The following MSH6 variants were observed in gnomAD, a reference collection of about 807,000 sequenced individuals.
MSH6 encodes mutS homolog 6.
A neutral mutation model predicts 119.1 loss-of-function variants in MSH6; 85 were observed. The ratio of observed to expected loss-of-function variants is 0.71; its 90% CI spans 0.60 to 0.85. MSH6 has a LOEUF of 0.85. MSH6 is among the 40% of genes least tolerant of loss of function. MSH6 has a pLI of 0.00. For synonymous variants in MSH6, 830 were observed against 586.9 expected (o/e 1.41, Z -5.99); for missense variants, 2,163 against 1,655.3 (o/e 1.31, Z -5.32).
At position 47,800,518 on chromosome 2, in the gene MSH6, T is replaced by C. The variant is rs1669476049; in HGVS notation, c.2535T>C (p.Tyr845=). The change falls in exon 4 of 10, where the codon TAT becomes TAC. Residue 845 remains tyrosine (Y), a synonymous_variant. Transcript: ENST00000234420. The part of the protein sequence containing the change: ...QNHPDSRAIM[Y]EETTYSKKKI... ...ACCCAGACAGCAGGGCTATAATGTA[T>C]GAAGAAACTACATACAGCAAGAAGA... 6.2e-7 allele frequency: 1 copy of C among 1,613,102 alleles called. No homozygotes were observed. Among genetic ancestry groups the C allele is most frequent in the Non-Finnish European group, 8.5e-7 (1 of 1,179,768 alleles).
intron 4 of MSH6, 95 bp from the exon 5 acceptor site, chr2:47,803,325 T>C (rs1029608003): frequency 1.0e-5 from 15 of 1,499,658 alleles, no homozygotes; most frequent in South Asian, 9.1e-5. Flanking sequence ...TTATGTCTTA[T>C]AATGAAATGT....
rs768135200 is a variant in MSH6 at position 47,796,509 on chromosome 2, TGGGATTACA to T, written c.627+449_627+457del. On this transcript the variant is annotated intron_variant, in intron 3 of 9. Transcript: ENST00000234420. ...TGCCCACCTGGGCCTCCCAAAGTGT[TGGGATTACA>T]GGCATGAGCCACAGCACCCAGCCCC... Among the ~76,000 whole-genome samples the T allele has an allele frequency of 1.1e-4, 16 of 152,348 alleles. No homozygotes were observed. In the South Asian group the frequency reaches 3.3e-3, roughly 32 times the overall value.
intron 3 of MSH6, among the ~76,000 whole-genome samples, chr2:47,796,738 A>G (rs1669119439): frequency 6.6e-6 from 1 of 152,210 alleles, no homozygotes; most frequent in African/African-American, 2.4e-5. Context: ...AGGCAGTTGG[A>G]TGTCCTGAGG....
chr2:47,803,274 A>C, intron 4 of MSH6, 146 bp from the exon 5 acceptor site: 1 of 1,098,644 alleles, frequency 9.1e-7, no homozygotes, highest in African/African-American at 1.6e-5. Context: ...GTTAGAGGGT[A>C]AGTATTTTGA....
At chr2:47,806,073 C>G (rs1251482992) in intron 7 of MSH6, 131 bp from the exon 8 acceptor site, 3 of 885,314 alleles carry the variant, frequency 3.4e-6, no homozygotes, top group African/African-American at 3.3e-5. Flanking sequence ...TAAACAAGGC[C>G]TATTTATAGA....
Position 47,805,705 on chromosome 2 carries a change from TA to T in MSH6, c.3645del (p.Gly1216GlufsTer12). On this transcript the variant is annotated frameshift_variant and splice_region_variant, in exon 7 of 10. Coordinates refer to ENST00000234420, the MANE Select transcript of MSH6 (RefSeq NM_000179.3). LOFTEE classifies it high-confidence loss of function. Reference sequence around the variant, plus strand: ...CATTCTCTGGTGCTTGTGGATGAATTAGGTAAGACATTAAACTTCTCATTTG... The same window carrying T: ...CATTCTCTGGTGCTTGTGGATGAATTGGTAAGACATTAAACTTCTCATTTG... The part of the protein sequence containing the change: ...TAHSLVLVDE[L>X]GRGTATFDGT... The T allele has an allele frequency of 6.2e-7, 1 of 1,600,096 alleles. No homozygotes were observed.
At chr2:47,788,887 T>A in intron 1 of MSH6, among the ~76,000 whole-genome samples, 1 of 136,408 alleles carries the variant, frequency 7.3e-6, no homozygotes, top group Non-Finnish European at 1.6e-5. Context: ...TACTGCTATT[T>A]CTTTCTTTCT....
chr2:47,796,976 C>G (rs144401612), intron 3 of MSH6, among the ~76,000 whole-genome samples: 18 of 152,122 alleles, frequency 1.2e-4, no homozygotes, highest in African/African-American at 3.9e-4. Flanking sequence ...AGAAGACTGT[C>G]AACAACAACA....
intron 5 of MSH6, among the ~76,000 whole-genome samples, chr2:47,804,476 A>T (rs1488796868): frequency 6.6e-6 from 1 of 151,954 alleles, no homozygotes; most frequent in African/African-American, 2.4e-5. Context: ...TATAGTGTGT[A>T]TAGTGATTTC....
chr2:47,809,919 AACCT>A, downstream of MSH6: 1 of 537,320 alleles, frequency 1.9e-6, no homozygotes, highest in South Asian at 2.7e-5. Context: ...CTTTCGCACC[AACCT>A]AACTGTCTTA....
At chr2:47,793,133 A>G (rs1668843895) in intron 2 of MSH6, among the ~76,000 whole-genome samples, 1 of 151,318 alleles carries the variant, frequency 6.6e-6, no homozygotes, top group Non-Finnish European at 1.5e-5. Flanking sequence ...CTAGCCTGGC[A>G]AACATGGTGA....
At chr2:47,809,276 AAG>A (rs756133938), downstream of MSH6, 7 of 1,463,390 alleles carry the variant, frequency 4.8e-6, no homozygotes, top group African/African-American at 1.4e-5. Context: ...TCTGTAATAA[AAG>A]AAAGAATAAG....
In MSH6 at chr2:47,800,343, C is replaced by T. The variant is rs63750637; in HGVS notation, c.2360C>T (p.Ala787Val). Residue 787 changes from alanine (A) to valine (V), a missense_variant, in exon 4 of 10, where the codon GCT becomes GTT. Physicochemically the swap from Ala to Val is moderately conservative, Grantham distance 64 (BLOSUM62 0). Coordinates refer to ENST00000234420, the MANE Select transcript of MSH6 (RefSeq NM_000179.3). ...WLCAPLCNHY[A>V]INDRLDAIED... ...TGTGCCCCACTCTGTAACCATTATGCTATTAATGATCGTCTAGATGCCATA... is the reference window on the plus strand; with the variant it reads ...TGTGCCCCACTCTGTAACCATTATGTTATTAATGATCGTCTAGATGCCATA... 1 of 1,614,076 alleles carries T rather than the reference C, an allele frequency of 6.2e-7. No individual in the cohort carries two copies. The highest frequency in any genetic ancestry group is 8.5e-7 in the Non-Finnish European group (1 of 1,179,984).
chr2:47,784,291 G>A, intron 1 of MSH6: 1 of 947,240 alleles, frequency 1.1e-6, no homozygotes, highest in Non-Finnish European at 1.3e-6. Context: ...TGACGTATGT[G>A]GAAATTCGTG....
At chr2:47,808,642 T>C (rs1670392210), downstream of MSH6, 4 of 479,488 alleles carry the variant, frequency 8.3e-6, no homozygotes, top group Admixed American at 1.1e-4. Context: ...GATTTGTAAA[T>C]TGTATAAAGG....
chr2:47,800,152 T>G lies in MSH6; in HGVS notation c.2169T>G (p.Gly723=), dbSNP rs769422122. 6.2e-7 allele frequency: 1 copy of G among 1,614,046 alleles called. No individual in the cohort carries two copies. The highest frequency in any genetic ancestry group is 1.3e-5 in the African/African-American group (1 of 74,926). Residue 723 remains glycine (G), a synonymous_variant, in exon 4 of 10, where the codon GGT becomes GGG. Transcript: ENST00000234420. ...DSDTVSTTRS[G]AIFTKAYQRM... is the part of the protein sequence containing the mutation. ...ACACAGTCAGCACTACAAGATCTGG[T>G]GCTATCTTCACCAAAGCCTATCAAC... is the stretch of plus-strand genomic sequence containing the variant.
At chr2:47,788,946 T>G (rs1280301599) in intron 1 of MSH6, among the ~76,000 whole-genome samples, 225 of 115,776 alleles carry the variant, frequency 1.9e-3, no homozygotes, top group Non-Finnish European at 3.1e-3. Context: ...TTTTTTTTTT[T>G]TGTGAGACGG....
In MSH6 at chr2:47,806,751, C is replaced by CT. The variant is rs59056100; in HGVS notation, c.4002-10dup. ...GATGCACTATGAAAAAACAAAAAAA[C>CT]TTTTTTTTTTTTTTTTTTAATTTTA... On this transcript the variant is annotated intron_variant, in intron 9 of 9. Coordinates refer to ENST00000234420, the MANE Select transcript of MSH6 (RefSeq NM_000179.3). 0.093 allele frequency: 132,303 copies of CT among 1,428,806 alleles called. 651 individuals carry two copies. Among genetic ancestry groups the CT allele is most frequent in the Non-Finnish European group, 0.1 (109,622 of 1,055,716 alleles). 88.5% of individuals were successfully genotyped at this position (1,428,806 alleles called of 1,614,324 possible). A position where few individuals can be genotyped will look rare whatever the true frequency, so the allele number is the denominator to read the frequency against.
intron 2 of MSH6, 67 bp from the exon 3 acceptor site, chr2:47,795,827 C>T (rs2104224531): frequency 7.1e-7 from 1 of 1,415,926 alleles, no homozygotes; most frequent in East Asian, 2.4e-5. Context: ...TGGTCTTGAA[C>T]TGCTGGGATT....
Sources: allele counts gnomAD v4.1 joint callset (sites outside exome capture counted in the v4.1 genomes callset), GRCh38; gene constraint gnomAD v4.1.1; transcripts MANE v1.5; gene names NCBI Gene and HGNC (gene_info 2026-07-23, HGNC 2026-07-21).